The following MIA2 variants were observed in gnomAD, a reference collection of about 807,000 sequenced individuals.
The protein encoded by MIA2 is MIA SH3 domain ER export factor 2.
A neutral mutation model predicts 167.8 loss-of-function variants in MIA2; 127 were observed. The observed-to-expected ratio is 0.76, with a 90% CI of 0.66 to 0.88. The LOEUF is 0.88. MIA2 is among the 40% of genes least tolerant of loss of function. MIA2 has a pLI of 0.00. For missense variants in MIA2, 1,690 were observed against 1,624.7 expected (o/e 1.04, Z -0.69); for synonymous variants, 552 against 541.9 (o/e 1.02, Z -0.26).
At chr14:39,275,559 TG>T (rs1220978980) in intron 6 of MIA2, among the ~76,000 whole-genome samples, 2 of 152,246 alleles carry the variant, frequency 1.3e-5, no homozygotes, top group African/African-American at 2.4e-5. Context: ...GAGATGCTTT[TG>T]GAATTGCCTT....
At chr14:39,339,572 A>G (rs1245632268) in intron 25 of MIA2, among the ~76,000 whole-genome samples, 1 of 152,170 alleles carries the variant, frequency 6.6e-6, no homozygotes, top group African/African-American at 2.4e-5. Flanking sequence ...AGATGTTGGG[A>G]TAAAAGATAA....
intron 6 of MIA2, among the ~76,000 whole-genome samples, chr14:39,264,735 A>C (rs1023850856): frequency 1.3e-5 from 2 of 152,252 alleles, no homozygotes; most frequent in Admixed American, 6.5e-5. Flanking sequence ...TAAATCTTAA[A>C]GTCTGTGACA....
At chr14:39,339,869 A>G (rs946668361) in intron 25 of MIA2, among the ~76,000 whole-genome samples, 1 of 152,196 alleles carries the variant, frequency 6.6e-6, no homozygotes, top group African/African-American at 2.4e-5. Context: ...GTTTTGAGAC[A>G]GAATCTCACT....
At chr14:39,347,142 G>A (rs540738524) in intron 26 of MIA2, among the ~76,000 whole-genome samples, 20 of 152,228 alleles carry the variant, frequency 1.3e-4, no homozygotes, top group Admixed American at 1.1e-3. Flanking sequence ...GTTAGTTGGG[G>A]AAGGAAGTGA....
chr14:39,286,572 CTG>C (rs2059823226), intron 9 of MIA2, among the ~76,000 whole-genome samples: 1 of 152,100 alleles, frequency 6.6e-6, no homozygotes, highest in Non-Finnish European at 1.5e-5. Flanking sequence ...GTTATTATAT[CTG>C]TATTTTTGAT....
At chr14:39,313,296 T>A in intron 18 of MIA2, 44 bp from the exon 19 acceptor site, 1 of 1,009,620 alleles carries the variant, frequency 9.9e-7, no homozygotes, top group African/African-American at 1.6e-5. Context: ...ATTGATTATC[T>A]TTTGACATGT....
At chr14:39,261,834 G>T (rs923777116) in intron 6 of MIA2, among the ~76,000 whole-genome samples, 1 of 152,136 alleles carries the variant, frequency 6.6e-6, no homozygotes, top group Non-Finnish European at 1.5e-5. Context: ...TGTTGATGGG[G>T]TTGTTTATTT....
intron 28 of MIA2, 25 bp downstream of exon 28, chr14:39,349,002 T>A (rs1200467515): frequency 5.0e-6 from 8 of 1,589,996 alleles, no homozygotes; most frequent in African/African-American, 1.4e-5. Flanking sequence ...ACTTTTTTTT[T>A]AAAGCTCAAT....
At chr14:39,364,321 C>T (rs1174200301) in intron 23 of MIA2, among the ~76,000 whole-genome samples, 1 of 151,798 alleles carries the variant, frequency 6.6e-6, no homozygotes, top group African/African-American at 2.4e-5. Flanking sequence ...TCATCAACAT[C>T]ATTGTGCCAC....
chr14:39,247,599 C>T lies in MIA2; in HGVS notation c.1025C>T (p.Pro342Leu). 1 of 1,613,892 alleles carries T rather than the reference C, an allele frequency of 6.2e-7. No individual in the cohort carries two copies. Among genetic ancestry groups the T allele is most frequent in the South Asian group, 1.1e-5 (1 of 91,046 alleles). Residue 342 changes from proline (P) to leucine (L), a missense_variant, in exon 4 of 29, where the codon CCC becomes CTC. Coordinates refer to ENST00000640607, the MANE Select transcript of MIA2 (RefSeq NM_001329214.4). ...EESNPPLQDF[P>L]NSISSDKEAT... ...AGCAATCCACCACTACAAGATTTTC[C>T]CAATTCCATATCATCTGATAAAGAA...
At chr14:39,234,307 T>G (rs750810185) in intron 1 of MIA2, 78 bp downstream of exon 1, 84 of 835,698 alleles carry the variant, frequency 1.0e-4, no homozygotes, top group Non-Finnish European at 1.5e-4. Flanking sequence ...TGGTCACGCA[T>G]GATAAAAATG....
chr14:39,257,721 C>A (rs1011390885), intron 6 of MIA2, among the ~76,000 whole-genome samples: 35 of 152,120 alleles, frequency 2.3e-4, no homozygotes, highest in Non-Finnish European at 5.1e-4. Flanking sequence ...GTGGCTGGTA[C>A]CAGTTTTTCC....
chr14:39,332,249 G>A (rs185402623), intron 25 of MIA2, among the ~76,000 whole-genome samples: 1 of 152,044 alleles, frequency 6.6e-6, no homozygotes, highest in Non-Finnish European at 1.5e-5. Flanking sequence ...ATTGATACTT[G>A]TGTATGCTTC....
At position 39,314,930 on chromosome 14, in the gene MIA2, A is replaced by G. The variant is rs563578177; in HGVS notation, c.3180+131A>G. On this transcript the variant is annotated intron_variant, in intron 20 of 28. Coordinates refer to ENST00000640607, the MANE Select transcript of MIA2 (RefSeq NM_001329214.4). ...TTGTATACCTCTTTTGAGGTGTTGC[A>G]TGTGGCTGTGGGACATTTCCCAGGA... The G allele has an allele frequency of 5.9e-5, 38 of 642,154 alleles. 1 individual carries two copies. The South Asian group carries it at 2.2e-3, about 37-fold the overall frequency. The allele number at this position is 642,154 out of a possible 1,614,324, so 39.8% of individuals were successfully genotyped here. A position where few individuals can be genotyped will look rare whatever the true frequency, so the allele number is the denominator to read the frequency against.
intron 23 of MIA2, among the ~76,000 whole-genome samples, chr14:39,376,314 G>T (rs1281692202): frequency 6.6e-6 from 1 of 152,048 alleles, no homozygotes; most frequent in Non-Finnish European, 1.5e-5. Flanking sequence ...ATTTCTAAAC[G>T]ATTTTTCAAT....
At chr14:39,268,889 A>T in intron 6 of MIA2, 1 of 505,150 alleles carries the variant, frequency 2.0e-6, no homozygotes, top group Non-Finnish European at 2.6e-6. Context: ...GTGGTAACTT[A>T]TTCATGGAGG....
chr14:39,309,248 G>C (rs2063822538), intron 18 of MIA2, among the ~76,000 whole-genome samples: 1 of 152,118 alleles, frequency 6.6e-6, no homozygotes, highest in Non-Finnish European at 1.5e-5. Flanking sequence ...CAACATGCAG[G>C]ATGACCCTTA....
At chr14:39,262,742 A>G (rs377010793) in intron 6 of MIA2, among the ~76,000 whole-genome samples, 2 of 151,966 alleles carry the variant, frequency 1.3e-5, no homozygotes, top group Admixed American at 6.6e-5. Context: ...TCCCTTGTAA[A>G]TTGGATTCCT....
At chr14:39,335,367 A>G (rs1000970787) in intron 25 of MIA2, among the ~76,000 whole-genome samples, 1 of 152,236 alleles carries the variant, frequency 6.6e-6, no homozygotes, top group African/African-American at 2.4e-5. Context: ...TAAAATGTAT[A>G]TATTTTCTTA....
Sources: gnomAD v4.1 joint callset for allele counts (sites outside exome capture counted in the v4.1 genomes callset) on GRCh38, gnomAD v4.1.1 for gene constraint, MANE v1.5 for transcripts, NCBI Gene and HGNC (gene_info 2026-07-23, HGNC 2026-07-21) for gene names.